Variants in IPO8 observed in about 807,000 individuals in gnomAD.
IPO8 encodes importin 8.
In IPO8, 65 loss-of-function variants were observed where a neutral mutation model predicts 141.2. The ratio of observed to expected loss-of-function variants is 0.46; its 90% CI spans 0.38 to 0.57. The LOEUF is 0.57. IPO8 is among the 20% of genes least tolerant of loss of function. The probability of loss-of-function intolerance (pLI) is 0.00; values close to 1 mark genes in which losing one functional copy is unlikely to be tolerated. For missense variants in IPO8, 980 were observed against 1,246.8 expected, an observed-to-expected ratio of 0.79 and a Z score of 3.22; for synonymous variants, 411 against 420.3, an observed-to-expected ratio of 0.98 and a Z score of 0.27.
intron 4 of IPO8, among the ~76,000 whole-genome samples, chr12:30,681,432 A>G (rs2053187334): frequency 6.6e-6 from 1 of 152,234 alleles, no homozygotes; most frequent in African/African-American, 2.4e-5. Context: ...AAGTTTGAGA[A>G]GTGCTTCATA....
chr12:30,681,607 T>C, intron 4 of IPO8, 52 bp downstream of exon 4: 2 of 1,544,342 alleles, frequency 1.3e-6, no homozygotes, highest in South Asian at 1.2e-5. Context: ...GCAACTTCAT[T>C]ATTTCTAAGT....
chr12:30,694,986 G>A (rs2053323637), intron 1 of IPO8: 1 of 455,864 alleles, frequency 2.2e-6, no homozygotes, highest in Non-Finnish European at 4.4e-6. Flanking sequence ...ACTTTGATGT[G>A]TCTTAGATAA....
At chr12:30,685,895 T>C (rs1591845927) in intron 2 of IPO8, among the ~76,000 whole-genome samples, 1 of 123,464 alleles carries the variant, frequency 8.1e-6, no homozygotes, top group Non-Finnish European at 1.6e-5. Context: ...AGAGCAAGAC[T>C]CTGTCAAAAA....
chr12:30,637,982 T>C (rs2052525390), intron 21 of IPO8, among the ~76,000 whole-genome samples: 1 of 152,242 alleles, frequency 6.6e-6, no homozygotes, highest in Non-Finnish European at 1.5e-5. Flanking sequence ...TTTGCATTCC[T>C]TGATTGATTC....
chr12:30,647,709 T>C (rs2052669149), intron 20 of IPO8, among the ~76,000 whole-genome samples: 1 of 146,674 alleles, frequency 6.8e-6, no homozygotes, highest in Non-Finnish European at 1.5e-5. Context: ...AAGGACACCA[T>C]CAAGACAAAT....
intron 9 of IPO8, among the ~76,000 whole-genome samples, chr12:30,669,499 C>A (rs1310768304): frequency 1.3e-5 from 2 of 151,838 alleles, no homozygotes; most frequent in East Asian, 3.9e-4. Flanking sequence ...CATGTATTAA[C>A]AATATTAAAG....
At position 30,639,726 on chromosome 12, in the gene IPO8, G is replaced by A. The variant is rs1166349507; in HGVS notation, c.2278C>T (p.Leu760Phe). 1 of 1,613,648 alleles carries A rather than the reference G, an allele frequency of 6.2e-7. No individual in the cohort carries two copies. The highest frequency in any genetic ancestry group is 1.7e-5 in the Admixed American group (1 of 60,020). ...CTCTCCAAAACAAGTTGAACGAAGA[G>A]TGGAATGCACTAGAAGACAAGCAAA... ...KGRGIDQCIP[L>F]FVQLVLERLT... Residue 760 changes from leucine to phenylalanine, a missense_variant, in exon 21 of 25, where the codon CTC (leucine) becomes TTC (phenylalanine). This residue lies in a region of IPO8 where 924 missense variants were observed against 1,153.9 expected (regional missense o/e 0.80). Coordinates refer to ENST00000256079, the MANE Select transcript of IPO8 (RefSeq NM_006390.4).
intron 22 of IPO8, 24 bp from the exon 23 acceptor site, chr12:30,634,310 A>G: frequency 6.3e-7 from 1 of 1,586,612 alleles, no homozygotes; most frequent in Non-Finnish European, 8.7e-7. Context: ...AATTATTTAA[A>G]AGGAATCAAA....
chr12:30,681,603 T>C lies in IPO8; in HGVS notation c.482+56A>G. 2.0e-6 allele frequency: 3 copies of C among 1,537,736 alleles called. No homozygotes were observed. The South Asian group carries it at 3.5e-5, about 18-fold the overall frequency. ...CCACAACAGACCACTCTTTGCAACT[T>C]CATTATTTCTAAGTTACACAAGGCT... On this transcript the variant is annotated intron_variant, in intron 4 of 24. Coordinates refer to ENST00000256079, the MANE Select transcript of IPO8 (RefSeq NM_006390.4).
chr12:30,681,671 A>G lies in IPO8; in HGVS notation c.470T>C (p.Val157Ala), dbSNP rs1193623962. The change falls in exon 4 of 25, where the codon GTG (valine) becomes GCG (alanine). Residue 157 changes from valine to alanine, a missense_variant. Around this residue, in one of 3 missense-constraint regions of IPO8, gnomAD observed 924 missense variants for 1,153.9 expected, o/e 0.80. Coordinates refer to ENST00000256079, the MANE Select transcript of IPO8 (RefSeq NM_006390.4). ...GAAACCAACTTACTCATATGTCTTC[A>G]CCAGTTGATACAGGCATAATAAACT... The part of the protein sequence containing the change: ...LGSLLCLYQL[V>A]KTYEYKKAEE... 4 of 1,612,898 alleles carry G rather than the reference A, an allele frequency of 2.5e-6. No individual in the cohort carries two copies. In the East Asian group the frequency reaches 8.9e-5, roughly 36 times the overall value.
rs765549189 is a variant in IPO8 at position 30,632,039 on chromosome 12, G to A, written c.2900-28C>T. ...GTTGCATTTTGGGAGGAAAAGACAGGAGGGTACAGCGACTATTAATTTACA... is the reference window on the plus strand; with the variant it reads ...GTTGCATTTTGGGAGGAAAAGACAGAAGGGTACAGCGACTATTAATTTACA... On this transcript the variant is annotated intron_variant, in intron 23 of 24. Coordinates refer to ENST00000256079, the MANE Select transcript of IPO8 (RefSeq NM_006390.4). 5.5e-6 allele frequency: 8 copies of A among 1,455,284 alleles called. No individual in the cohort carries two copies. In the African/African-American group the frequency reaches 9.8e-5, roughly 18 times the overall value. The allele number at this position is 1,455,284 out of a possible 1,614,324, so 90.1% of individuals were successfully genotyped here. A position where few individuals can be genotyped will look rare whatever the true frequency, so the allele number is the denominator to read the frequency against.
chr12:30,670,765 C>T (rs1408731225), intron 9 of IPO8, among the ~76,000 whole-genome samples, 197 bp downstream of exon 9: 1 of 152,190 alleles, frequency 6.6e-6, no homozygotes, highest in Non-Finnish European at 1.5e-5. Flanking sequence ...ACTCATAAAA[C>T]TTGAAGGCTT....
In IPO8 at chr12:30,637,222, G is replaced by T. The variant is rs773688095; in HGVS notation, c.2490-35C>A. 2.7e-6 allele frequency: 4 copies of T among 1,495,352 alleles called. No individual in the cohort carries two copies. The South Asian group carries it at 4.6e-5, about 17-fold the overall frequency. The allele number at this position is 1,495,352 out of a possible 1,614,324, so 92.6% of individuals were successfully genotyped here. On this transcript the variant is annotated intron_variant, in intron 21 of 24. Coordinates refer to ENST00000256079, the MANE Select transcript of IPO8 (RefSeq NM_006390.4). ...TTGAAGAAAAAAAAAATGTAGACAT[G>T]AGAAGTGGAATAAAGAACAAATTCT...
At chr12:30,642,498 T>G (rs2052588101) in intron 20 of IPO8, among the ~76,000 whole-genome samples, 1 of 152,080 alleles carries the variant, frequency 6.6e-6, no homozygotes, top group African/African-American at 2.4e-5. Flanking sequence ...AAACAACATA[T>G]TTCTTGGCTC....
chr12:30,644,429 G>T (rs1050744982), intron 20 of IPO8, among the ~76,000 whole-genome samples: 2 of 101,114 alleles, frequency 2.0e-5, no homozygotes, highest in Non-Finnish European at 4.0e-5. Flanking sequence ...TTTTAGAAAG[G>T]TCATAATTTT....
intron 3 of IPO8, among the ~76,000 whole-genome samples, chr12:30,683,793 A>G (rs1310350447): frequency 1.3e-5 from 2 of 152,226 alleles, no homozygotes. Context: ...CATCTAATCT[A>G]TGACTGTAAA....
chr12:30,665,111 T>G lies in IPO8; in HGVS notation c.1428+109A>C, dbSNP rs1029765444. On this transcript the variant is annotated intron_variant, in intron 13 of 24. Transcript: ENST00000256079. ...ACCATAGGCAGACATTCTAATTGAC[T>G]CTATTTCATCTCAATATGTGGCAAA... is the stretch of plus-strand genomic sequence containing the variant. The G allele has an allele frequency of 4.6e-6, 3 of 652,122 alleles. No homozygotes were observed. The African/African-American group carries it at 5.6e-5, about 12-fold the overall frequency. The allele number at this position is 652,122 out of a possible 1,614,324, so 40.4% of individuals were successfully genotyped here.
intron 19 of IPO8, among the ~76,000 whole-genome samples, chr12:30,651,012 T>G (rs2052719478): frequency 6.6e-6 from 1 of 152,104 alleles, no homozygotes; most frequent in Middle Eastern, 3.2e-3. Flanking sequence ...GTATTTCATA[T>G]TCATAAAAGA....
intron 23 of IPO8, among the ~76,000 whole-genome samples, chr12:30,633,871 G>T (rs961293173): frequency 2.0e-5 from 3 of 152,158 alleles, no homozygotes; most frequent in African/African-American, 7.2e-5. Context: ...ACTTCTCAAT[G>T]ATGAAAGCTG....
Sources: gnomAD v4.1 joint callset for allele counts (sites outside exome capture counted in the v4.1 genomes callset) on GRCh38, gnomAD v4.1.1 for gene constraint, gnomAD v4.1.1 regional missense constraint, MANE v1.5 for transcripts, NCBI Gene and HGNC (gene_info 2026-07-23, HGNC 2026-07-21) for gene names.